APEH: variants seen among roughly 807,000 people sequenced by gnomAD.
APEH encodes acylaminoacyl-peptide hydrolase, also known as acylamino-acid-releasing enzyme.
In APEH, 75 loss-of-function variants were observed where a neutral mutation model predicts 102.7. The observed-to-expected ratio is 0.73, with a 90% CI of 0.61 to 0.89. The LOEUF is 0.89. Ranked by LOEUF, APEH falls within the 40% of genes least tolerant of loss-of-function variation. The probability of loss-of-function intolerance (pLI) is 0.00; values close to 1 mark genes in which losing one functional copy is unlikely to be tolerated. For synonymous variants in APEH, 344 were observed against 362.7 expected (o/e 0.95, Z 0.59); for missense variants, 863 against 941.2 (o/e 0.92, Z 1.09).
chr3:49,678,857 T>G lies in APEH; in HGVS notation c.1066T>G (p.Phe356Val). Residue 356 changes from phenylalanine to valine, a missense_variant, in exon 12 of 22, where the codon TTC becomes GTC. Coordinates refer to ENST00000296456, the MANE Select transcript of APEH (RefSeq NM_001640.4). ...CAGCCCTCCTATCTTTACAGAGAAC[T>G]TCTCTGGGATCTACTGCAGCCTTCT... The part of the protein sequence containing the change: ...DVVPRQLGEN[F>V]SGIYCSLLPL... 1 of 1,613,122 alleles carries G rather than the reference T, an allele frequency of 6.2e-7. No homozygotes were observed. The highest frequency in any genetic ancestry group is 8.5e-7 in the Non-Finnish European group (1 of 1,179,282).
At chr3:49,675,402 C>T (rs561123960) in intron 3 of APEH, 93 bp downstream of exon 3, 2 of 1,532,298 alleles carry the variant, frequency 1.3e-6, no homozygotes, top group African/African-American at 1.4e-5. Flanking sequence ...GAAGGGAGGC[C>T]AGCAGCCAGG....
At chr3:49,674,207 C>G (rs1332561089), upstream of APEH, 1 of 693,990 alleles carries the variant, frequency 1.4e-6, no homozygotes, top group Non-Finnish European at 2.3e-6. Context: ...ACTTCTCGCT[C>G]CCAGGCCGGG....
chr3:49,681,163 G>A lies in APEH; in HGVS notation c.1362G>A (p.Glu454=), dbSNP rs2053300972. The stretch of plus-strand genomic sequence containing the variant: ...CAGTGTTGTGGGTGTCCCTGGAGGA[G>A]GCCGAGCCCATTCCCGACATCCACT... ...EQSVLWVSLE[E]AEPIPDIHWG... is the part of the protein sequence containing the mutation. The change falls in exon 15 of 22, where the codon GAG becomes GAA. Residue 454 remains glutamate (E), a synonymous_variant. Transcript: ENST00000296456. The A allele has an allele frequency of 1.2e-6, 2 of 1,611,098 alleles. No individual in the cohort carries two copies.
intron 11 of APEH, 104 bp downstream of exon 11, chr3:49,677,737 G>C (rs2053133019): frequency 8.6e-7 from 1 of 1,160,972 alleles, no homozygotes; most frequent in African/African-American, 1.5e-5. Flanking sequence ...TCCTTCTGAG[G>C]GCCCTACCTC....
Position 49,683,110 on chromosome 3 carries a change from A to C in APEH, c.2057A>C (p.Tyr686Ser). Reference sequence around the variant, plus strand: ...GTGCCCTTCAAGCAGGGCATGGAGTATTACCGTGCCCTCAAGACCCGGAAT... The same window carrying C: ...GTGCCCTTCAAGCAGGGCATGGAGTCTTACCGTGCCCTCAAGACCCGGAAT... ...RRVPFKQGME[Y>S]YRALKTRNVP... Residue 686 changes from tyrosine (Y) to serine (S), a missense_variant, in exon 21 of 22, where the codon TAT becomes TCT. Tyr to Ser is a moderately radical substitution (Grantham distance 144). Transcript: ENST00000296456. 2 of 1,614,072 alleles carry C rather than the reference A, an allele frequency of 1.2e-6. No homozygotes were observed. The highest frequency in any genetic ancestry group is 1.7e-6 in the Non-Finnish European group (2 of 1,180,026).
In APEH at chr3:49,679,133, A is replaced by G. The variant is rs556721124; in HGVS notation, c.1158+184A>G. Among the ~76,000 whole-genome samples, 1 of 152,280 alleles carries G rather than the reference A, an allele frequency of 6.6e-6. No homozygotes were observed. Among genetic ancestry groups the G allele is most frequent in the East Asian group, 1.9e-4 (1 of 5,170 alleles). ...GGGACTGGCTGCCCTGGTGCACCAC[A>G]GCAGAACTCAGGCCTTTTCGTCTGA... On this transcript the variant is annotated intron_variant, in intron 12 of 21. Coordinates refer to ENST00000296456, the MANE Select transcript of APEH (RefSeq NM_001640.4). The surrounding 1 kb of genome is among the most constrained non-coding windows in gnomAD (Gnocchi z 4.3).
chr3:49,681,790 G>T lies in APEH; in HGVS notation c.1507G>T (p.Val503Leu). The change falls in exon 16 of 22, where the codon GTG (valine) becomes TTG (leucine). Residue 503 changes from valine to leucine, a missense_variant. Coordinates refer to ENST00000296456, the MANE Select transcript of APEH (RefSeq NM_001640.4). ...TCCAGATAAGACCCAAGTGCCCATG[G>T]TGGTCATGCCCCACGGTAGGCATCT... is the stretch of plus-strand genomic sequence containing the variant. ...SPPDKTQVPM[V>L]VMPHGGPHSS... 6.2e-7 allele frequency: 1 copy of T among 1,611,794 alleles called. No homozygotes were observed. The highest frequency in any genetic ancestry group is 8.5e-7 in the Non-Finnish European group (1 of 1,178,492).
Position 49,676,171 on chromosome 3 carries a change from C to T in APEH, c.558C>T (p.Ala186=). The change falls in exon 6 of 22, where the codon GCC becomes GCT. Residue 186 remains alanine, a synonymous_variant. Transcript: ENST00000296456. The part of the protein sequence containing the change: ...FFQTKALDVS[A]SDDEIARLKK... ...AGACCAAAGCCTTGGACGTCAGTGC[C>T]AGCGATGATGAGATAGCCAGGCTGA... The T allele has an allele frequency of 1.2e-6, 2 of 1,614,194 alleles. No individual in the cohort carries two copies. Among genetic ancestry groups the T allele is most frequent in the South Asian group, 1.1e-5 (1 of 91,088 alleles).
intron 15 of APEH, 66 bp from the exon 16 acceptor site, chr3:49,681,656 A>C: frequency 1.3e-4 from 176 of 1,359,024 alleles, no homozygotes; most frequent in Non-Finnish European, 1.6e-4. Flanking sequence ...ACCTGCAGCT[A>C]GAGATGGGGC....
rs781116476 is a variant in APEH, at chr3:49,683,163, G to A, written c.2093+17G>A. ...GCCTGTTCGGTGAGTGCAGCATGAA[G>A]GCCCTGGCAGCTGGTGGGCAGGTGA... On this transcript the variant is annotated intron_variant, in intron 21 of 21. Transcript: ENST00000296456. 2 of 1,612,890 alleles carry A rather than the reference G, an allele frequency of 1.2e-6. No individual in the cohort carries two copies. Among genetic ancestry groups the A allele is most frequent in the South Asian group, 2.2e-5 (2 of 91,060 alleles).
intron 11 of APEH, among the ~76,000 whole-genome samples, chr3:49,678,099 GCTGGGT>G (rs1242089448): frequency 1.3e-5 from 2 of 152,160 alleles, no homozygotes; most frequent in African/African-American, 4.8e-5. Context: ...CCTGAAGTCA[GCTGGGT>G]CTTCAGGAGG....
rs2053281634 is a variant in APEH, at chr3:49,680,756, C to G, written c.1299+127C>G. The G allele has an allele frequency of 1.0e-5, 9 of 862,366 alleles. 1 individual carries two copies. The South Asian group carries it at 1.4e-4, about 13-fold the overall frequency. The allele number at this position is 862,366 out of a possible 1,614,324, so 53.4% of individuals were successfully genotyped here. On this transcript the variant is annotated intron_variant, in intron 14 of 21. Transcript: ENST00000296456. ...ATACAGACGGGCCAAGACACAGGCCCAGCTTGGCATGGTCCATGAGGGTTT... is the reference window on the plus strand; with the variant it reads ...ATACAGACGGGCCAAGACACAGGCCGAGCTTGGCATGGTCCATGAGGGTTT...
Position 49,675,241 on chromosome 3 carries a change from G to C in APEH, c.204G>C (p.Leu68=), listed in dbSNP as rs545107059. The C allele has an allele frequency of 5.0e-6, 8 of 1,614,074 alleles. No homozygotes were observed. The African/African-American group carries it at 1.1e-4, about 22-fold the overall frequency. Reference sequence around the variant, plus strand: ...ACATTCGATTCTGCCGCCAATACCTGGTGTTCCATGACGGGGACTCAGTGG... The same window carrying C: ...ACATTCGATTCTGCCGCCAATACCTCGTGTTCCATGACGGGGACTCAGTGG... ...MENIRFCRQY[L]VFHDGDSVVF... The change falls in exon 3 of 22, where the codon CTG becomes CTC. Residue 68 remains leucine (L), a synonymous_variant. Coordinates refer to ENST00000296456, the MANE Select transcript of APEH (RefSeq NM_001640.4).
In APEH at chr3:49,683,358, C is replaced by A; in HGVS notation, c.*16C>A. 1 of 1,594,540 alleles carries A rather than the reference C, an allele frequency of 6.3e-7. No homozygotes were observed. The highest frequency in any genetic ancestry group is 8.6e-7 in the Non-Finnish European group (1 of 1,162,590). On this transcript the variant is annotated 3_prime_UTR_variant, in exon 22 of 22. Transcript: ENST00000296456. Reference sequence around the variant, plus strand: ...GGGCAGCTGAAGCCCTGCCATTCTGCATGAGCTGATCAGCCTGTGCCACAC... The same window carrying A: ...GGGCAGCTGAAGCCCTGCCATTCTGAATGAGCTGATCAGCCTGTGCCACAC...
At position 49,679,800 on chromosome 3, in the gene APEH, G is replaced by A; in HGVS notation, c.1210+156G>A. ...ACAGCCTTTACTAACAGGTCCCCAA[G>A]GCCCCTGTCTGTGCAGACCCTTACC... On this transcript the variant is annotated intron_variant, in intron 13 of 21. Transcript: ENST00000296456. The surrounding 1 kb of genome is among the most constrained non-coding windows in gnomAD (Gnocchi z 4.3). 1 of 739,876 alleles carries A rather than the reference G, an allele frequency of 1.4e-6. No individual in the cohort carries two copies. Among genetic ancestry groups the A allele is most frequent in the Non-Finnish European group, 2.3e-6 (1 of 443,112 alleles). 45.8% of individuals were successfully genotyped at this position (739,876 alleles called of 1,614,324 possible). A position where few individuals can be genotyped will look rare whatever the true frequency, so the allele number is the denominator to read the frequency against.
chr3:49,677,772 G>A (rs895539891), intron 11 of APEH, 139 bp downstream of exon 11: 5 of 831,878 alleles, frequency 6.0e-6, no homozygotes, highest in Non-Finnish European at 1.0e-5. Flanking sequence ...CTTATGCCCA[G>A]CATCCTCAGG....
intron 3 of APEH, 71 bp downstream of exon 3, chr3:49,675,380 A>C (rs1210643652): frequency 6.3e-7 from 1 of 1,583,338 alleles, no homozygotes; most frequent in Non-Finnish European, 8.6e-7. Flanking sequence ...ATGAATGCTC[A>C]CCATGTGCCT....
chr3:49,682,405 A>G lies in APEH; in HGVS notation c.1661A>G (p.Asn554Ser), dbSNP rs374100224. The change falls in exon 18 of 22, where the codon AAT becomes AGT. Residue 554 changes from asparagine (N) to serine (S), a missense_variant. Physicochemically the swap from Asn to Ser is conservative, Grantham distance 46. Transcript: ENST00000296456. ...GACAGCATCCTCTCCCTCCCAGGCA[A>G]TGTGGGCCACCAGGATGTGAAGGAT... ...GQDSILSLPG[N>S]VGHQDVKDVQ... is the part of the protein sequence containing the mutation. 4.3e-6 allele frequency: 7 copies of G among 1,613,936 alleles called. No individual in the cohort carries two copies. Among genetic ancestry groups the G allele is most frequent in the Non-Finnish European group, 5.9e-6 (7 of 1,179,960 alleles).
rs752929850 is a variant in APEH at position 49,682,367 on chromosome 3, G to A, written c.1623G>A (p.Thr541=). 19 of 1,613,604 alleles carry A rather than the reference G, an allele frequency of 1.2e-5. No individual in the cohort carries two copies. The highest frequency in any genetic ancestry group is 8.0e-5 in the African/African-American group (6 of 74,922). The part of the protein sequence containing the change: ...AVLLVNYRGS[T]GFGQDSILSL... Reference sequence around the variant, plus strand: ...CCTCAGTGAACTATCGTGGCTCCACGGGCTTTGGCCAGGACAGCATCCTCT... The same window carrying A: ...CCTCAGTGAACTATCGTGGCTCCACAGGCTTTGGCCAGGACAGCATCCTCT... The change falls in exon 18 of 22, where the codon ACG becomes ACA. Residue 541 remains threonine, a synonymous_variant. Transcript: ENST00000296456.
Sources: gnomAD v4.1 joint callset for allele counts (sites outside exome capture counted in the v4.1 genomes callset) on GRCh38, gnomAD v4.1.1 for gene constraint, Gnocchi (gnomAD v3.1) non-coding constraint, MANE v1.5 for transcripts, NCBI Gene and HGNC (gene_info 2026-07-23, HGNC 2026-07-21) for gene names.